Variants in PDE4D observed in about 807,000 individuals in gnomAD.
PDE4D encodes the protein 3',5'-cyclic-AMP phosphodiesterase 4D.
Under a neutral mutation model 87.4 loss-of-function variants are expected in PDE4D, and 24 were observed. The ratio of observed to expected loss-of-function variants is 0.27; its 90% confidence interval spans 0.20 to 0.39. The LOEUF is 0.39. Among genes scored for constraint, PDE4D ranks in the 10% least tolerant of loss-of-function variants. The pLI is 1.00. For synonymous variants in PDE4D, 384 were observed against 383.2 expected (o/e 1.00, Z -0.02); for missense variants, 714 against 1,041.0 (o/e 0.69, Z 4.32).
chr5:59,277,990 T>C (rs1459062601), intron 1 of PDE4D, among the ~76,000 whole-genome samples: 1 of 152,146 alleles, frequency 6.6e-6, no homozygotes, highest in Admixed American at 6.6e-5. Context: ...TGACAATGTA[T>C]GGAACTAACC....
chr5:59,434,946 GC>G (rs1488488822), intron 1 of PDE4D, among the ~76,000 whole-genome samples: 1 of 152,066 alleles, frequency 6.6e-6, no homozygotes, highest in Non-Finnish European at 1.5e-5. Flanking sequence ...TATGAGTTGG[GC>G]CCTATTATTA....
At chr5:59,994,805 G>T (rs1001863390) in intron 2 of PDE4D, among the ~76,000 whole-genome samples, 8 of 152,156 alleles carry the variant, frequency 5.3e-5, no homozygotes, top group African/African-American at 1.9e-4. Flanking sequence ...GTTACAGGTA[G>T]TACTATTTTA....
chr5:59,823,029 C>A (rs1311131644), intron 1 of PDE4D, among the ~76,000 whole-genome samples: 1 of 152,178 alleles, frequency 6.6e-6, no homozygotes, highest in Non-Finnish European at 1.5e-5. Flanking sequence ...CCTTACAAAT[C>A]AGTGTTTTTA....
intron 1 of PDE4D, among the ~76,000 whole-genome samples, chr5:59,349,012 T>C (rs1485398982): frequency 6.6e-6 from 1 of 152,052 alleles, no homozygotes; most frequent in Non-Finnish European, 1.5e-5. Flanking sequence ...GCCTAGGAGT[T>C]TGAGGCTGCA....
intron 3 of PDE4D, among the ~76,000 whole-genome samples, chr5:59,929,231 A>G (rs1053089646): frequency 5.9e-5 from 9 of 152,176 alleles, no homozygotes; most frequent in Non-Finnish European, 1.3e-4. Context: ...ATAAGCAAGA[A>G]AAGTATAATA....
intron 1 of PDE4D, chr5:59,430,457 G>A: frequency 1.6e-6 from 2 of 1,229,118 alleles, no homozygotes; most frequent in Non-Finnish European, 2.0e-6. Flanking sequence ...AATCTGAGTA[G>A]TCAGACCAGC....
At chr5:59,337,301 T>C (rs893227738) in intron 1 of PDE4D, among the ~76,000 whole-genome samples, 17 of 150,722 alleles carry the variant, frequency 1.1e-4, no homozygotes, top group African/African-American at 3.7e-4. Flanking sequence ...GATGCTGGTA[T>C]AAGTGAAAGG....
At chr5:59,035,409 G>A (rs978647115) in intron 6 of PDE4D, among the ~76,000 whole-genome samples, 3 of 152,314 alleles carry the variant, frequency 2.0e-5, no homozygotes, top group Non-Finnish European at 4.4e-5. Flanking sequence ...AGAAATGTGC[G>A]CTATAGACAG....
chr5:59,303,849 C>A (rs915881074), intron 1 of PDE4D, among the ~76,000 whole-genome samples: 1 of 152,030 alleles, frequency 6.6e-6, no homozygotes, highest in Non-Finnish European at 1.5e-5. Context: ...GTACTTTTTG[C>A]TTGGTCTTGC....
rs144973743 is a variant in PDE4D at position 59,928,855 on chromosome 5, T to TCTA, written c.272+59632_272+59633insTAG. On this transcript the variant is annotated intron_variant, in intron 3 of 16. Transcript: ENST00000502484. ...TTAGAAATTTCTATATATTAGAAAT[T>TCTA]TCTATATATTCTATATACATATATA... Among the ~76,000 whole-genome samples, 262 of 149,776 alleles carry TCTA rather than the reference T, an allele frequency of 1.7e-3. 2 individuals carry two copies. The highest frequency in any genetic ancestry group is 6.3e-3 in the African/African-American group (259 of 41,044).
At chr5:59,000,338 C>T (rs10472084) in intron 6 of PDE4D, among the ~76,000 whole-genome samples, 14,998 of 152,192 alleles carry the variant, frequency 0.099, 1,016 homozygotes, top group Non-Finnish European at 0.13. Context: ...ATTTTAATTG[C>T]TTCCCTCTCT....
intron 5 of PDE4D, among the ~76,000 whole-genome samples, chr5:59,080,653 T>G (rs1396445610): frequency 1.3e-5 from 2 of 152,172 alleles, no homozygotes; most frequent in East Asian, 3.9e-4. Context: ...GGCCCCAAAC[T>G]TCTATCACGT....
At chr5:59,108,953 CAATGTGTGTGTGTGTGTGTGTG>C (rs1772123811) in intron 5 of PDE4D, among the ~76,000 whole-genome samples, 1 of 94,386 alleles carries the variant, frequency 1.1e-5, no homozygotes, top group Non-Finnish European at 2.2e-5. Flanking sequence ...CATAGGAACT[CAATGTGTGTGTGTGTGTGTGTG>C]TGTGTGTGTG....
chr5:59,427,817 CAAAA>C (rs11356537), intron 1 of PDE4D, among the ~76,000 whole-genome samples: 4 of 66,612 alleles, frequency 6.0e-5, no homozygotes, highest in Non-Finnish European at 1.2e-4. Flanking sequence ...GACCCTGTCT[CAAAA>C]AAAAAAAAAA....
intron 1 of PDE4D, among the ~76,000 whole-genome samples, chr5:60,243,182 C>T (rs1388671101): frequency 1.3e-5 from 2 of 151,876 alleles, no homozygotes; most frequent in Non-Finnish European, 2.9e-5. Flanking sequence ...TTAGTGGCTA[C>T]TATGAGCAAC....
At chr5:60,327,702 C>T (rs568777212) in intron 1 of PDE4D, among the ~76,000 whole-genome samples, 2 of 152,124 alleles carry the variant, frequency 1.3e-5, no homozygotes, top group Non-Finnish European at 2.9e-5. Context: ...AAATGGAAAA[C>T]AGTCCAAGTT....
At chr5:59,946,741 T>A (rs1757760794) in intron 3 of PDE4D, among the ~76,000 whole-genome samples, 2 of 152,344 alleles carry the variant, frequency 1.3e-5, no homozygotes, top group East Asian at 1.9e-4. Context: ...AAGCAACCCA[T>A]GTAAAGCACT....
At chr5:59,761,415 C>G (rs1026021958) in intron 1 of PDE4D, among the ~76,000 whole-genome samples, 1 of 152,018 alleles carries the variant, frequency 6.6e-6, no homozygotes, top group Non-Finnish European at 1.5e-5. Context: ...TAACTTTTTA[C>G]TTTATACAAC....
chr5:59,205,504 G>A (rs910008339), intron 2 of PDE4D, among the ~76,000 whole-genome samples: 11 of 151,938 alleles, frequency 7.2e-5, no homozygotes, highest in Non-Finnish European at 1.2e-4. Context: ...ATGCTCAAAT[G>A]GATTTAGACT....
Sources: allele counts gnomAD v4.1 joint callset (sites outside exome capture counted in the v4.1 genomes callset), GRCh38; gene constraint gnomAD v4.1.1; transcripts MANE v1.5; gene names NCBI Gene and HGNC (gene_info 2026-07-23, HGNC 2026-07-21).